The following ZDHHC13 variants were observed in gnomAD, a reference collection of about 807,000 sequenced individuals.
The protein encoded by ZDHHC13 is palmitoyltransferase ZDHHC13.
Under a neutral mutation model 86.0 loss-of-function variants are expected in ZDHHC13, and 85 were observed. The ratio of observed to expected loss-of-function variants is 0.99; its 90% CI spans 0.83 to 1.18. The LOEUF (loss-of-function observed/expected upper bound fraction) is 1.18, where lower values mean the gene tolerates loss of function less well. Ranked by LOEUF, ZDHHC13 falls within the 50% of genes most tolerant of loss-of-function variation. The pLI, the probability that ZDHHC13 is intolerant of heterozygous loss-of-function variation, is 0.00. For synonymous variants in ZDHHC13, 263 were observed against 246.4 expected, an observed-to-expected ratio of 1.07 and a Z score of -0.63; for missense variants, 711 against 730.2, an observed-to-expected ratio of 0.97 and a Z score of 0.30.
rs545390744 is a variant in ZDHHC13, at chr11:19,137,047, A to T, written c.28-5931A>T. Among the ~76,000 whole-genome samples, 11 of 152,304 alleles carry T rather than the reference A, an allele frequency of 7.2e-5. No individual in the cohort carries two copies. The East Asian group carries it at 2.1e-3, about 29-fold the overall frequency. On this transcript the variant is annotated intron_variant, in intron 1 of 16. Coordinates refer to ENST00000446113, the MANE Select transcript of ZDHHC13 (RefSeq NM_019028.3). Reference sequence around the variant, plus strand: ...AACCAGCTAACATCATAATGACAGGATCAAATTCACACATAACAGTATTAA... The same window carrying T: ...AACCAGCTAACATCATAATGACAGGTTCAAATTCACACATAACAGTATTAA...
At chr11:19,172,690 G>C (rs752729738) in intron 15 of ZDHHC13, 33 bp from the exon 16 acceptor site, 2 of 1,509,974 alleles carry the variant, frequency 1.3e-6, no homozygotes, top group South Asian at 1.2e-5. Flanking sequence ...GTTGCACACT[G>C]AATGTGTGCA....
chr11:19,166,227 G>A (rs955868760), intron 13 of ZDHHC13, 75 bp from the exon 14 acceptor site: 1 of 1,175,586 alleles, frequency 8.5e-7, no homozygotes, highest in African/African-American at 1.6e-5. Flanking sequence ...TGACAGGAAA[G>A]TGGTTAAGGA....
chr11:19,117,385 G>T lies in ZDHHC13; in HGVS notation c.27+109G>T. The T allele has an allele frequency of 8.4e-7, 1 of 1,189,644 alleles. No individual in the cohort carries two copies. The highest frequency in any genetic ancestry group is 1.6e-5 in the African/African-American group (1 of 62,162). 73.7% of individuals were successfully genotyped at this position (1,189,644 alleles called of 1,614,324 possible). On this transcript the variant is annotated intron_variant, in intron 1 of 16. Transcript: ENST00000446113. The surrounding 1 kb of genome is among the most constrained non-coding windows in gnomAD (Gnocchi z 4.2). ...CGCTCGATGAGGGGGTTTCGGGAGC[G>T]GCGGGGCCTAGGTCTGGGAAGCGGG... is the stretch of plus-strand genomic sequence containing the variant.
chr11:19,141,550 T>C (rs551303125), intron 1 of ZDHHC13, among the ~76,000 whole-genome samples: 1 of 152,244 alleles, frequency 6.6e-6, no homozygotes, highest in Admixed American at 6.5e-5. Flanking sequence ...TTGCTCATCT[T>C]AATTGATCAT....
rs1283120455 is a variant in ZDHHC13 at position 19,117,710 on chromosome 11, C to T, written c.27+434C>T. ...TTTTCAGCCCTGGCGTCTTAGCACCCGCCTTCACCCCACCCAGTCCAGTTT... is the reference window on the plus strand; with the variant it reads ...TTTTCAGCCCTGGCGTCTTAGCACCTGCCTTCACCCCACCCAGTCCAGTTT... On this transcript the variant is annotated intron_variant, in intron 1 of 16. Transcript: ENST00000446113. This position sits in a 1 kb window ranked among gnomAD's most constrained non-coding sequence, Gnocchi z 4.2. 1.2e-5 allele frequency: 2 copies of T among 170,452 alleles called. No individual in the cohort carries two copies. The highest frequency in any genetic ancestry group is 4.7e-5 in the African/African-American group (2 of 42,150). 10.6% of individuals were successfully genotyped at this position (170,452 alleles called of 1,614,324 possible).
intron 14 of ZDHHC13, chr11:19,167,065 T>A (rs1850092060): frequency 6.6e-6 from 1 of 152,240 alleles, no homozygotes; most frequent in African/African-American, 2.4e-5. Flanking sequence ...AGAATTGCAT[T>A]ATTATGTTTT....
At chr11:19,139,881 G>C (rs1388358009) in intron 1 of ZDHHC13, among the ~76,000 whole-genome samples, 1 of 128,524 alleles carries the variant, frequency 7.8e-6, no homozygotes, top group Non-Finnish European at 1.6e-5. Context: ...GCTGAAACTG[G>C]ATCCCTTCCT....
In ZDHHC13 at chr11:19,175,932, C is replaced by A; in HGVS notation, c.1841C>A (p.Ala614Asp). The change falls in exon 17 of 17, where the codon GCC (alanine) becomes GAC (aspartate). Residue 614 changes from alanine to aspartate, a missense_variant. Physicochemically the swap from Ala to Asp is moderately radical, Grantham distance 126 (BLOSUM62 -2). Coordinates refer to ENST00000446113, the MANE Select transcript of ZDHHC13 (RefSeq NM_019028.3). ...TSQYTMVFHPAREKVLRSV is the reference protein window; with the variant it reads ...TSQYTMVFHPDREKVLRSV ...CAGTACACCATGGTCTTTCACCCAGCCAGGGAGAAGGTTCTTCGCTCAGTA... is the reference window on the plus strand; with the variant it reads ...CAGTACACCATGGTCTTTCACCCAGACAGGGAGAAGGTTCTTCGCTCAGTA... The A allele has an allele frequency of 6.2e-7, 1 of 1,610,404 alleles. No individual in the cohort carries two copies.
At chr11:19,170,227 G>C (rs1053038733) in intron 14 of ZDHHC13, 184 bp from the exon 15 acceptor site, 41 of 1,401,196 alleles carry the variant, frequency 2.9e-5, no homozygotes, top group Admixed American at 2.1e-4. Context: ...TTAACATTGA[G>C]CCACCATTTT....
rs747510512 is a variant in ZDHHC13 at position 19,164,273 on chromosome 11, G to A, written c.1234-28G>A. On this transcript the variant is annotated intron_variant, in intron 11 of 16. Coordinates refer to ENST00000446113, the MANE Select transcript of ZDHHC13 (RefSeq NM_019028.3). ...ATAATACATTTTCCAATAAAATGTG[G>A]TAATAGGTCAAACTTCATGTCTTTC... The A allele has an allele frequency of 2.9e-5, 46 of 1,610,106 alleles. No homozygotes were observed. In the South Asian group the frequency reaches 3.6e-4, roughly 13 times the overall value.
intron 2 of ZDHHC13, 47 bp downstream of exon 2, chr11:19,143,170 A>C (rs1849370500): frequency 1.9e-6 from 3 of 1,568,900 alleles, no homozygotes; most frequent in Admixed American, 3.7e-5. Context: ...CTCTAGAATT[A>C]ATAGTAATAT....
intron 9 of ZDHHC13, 22 bp from the exon 10 acceptor site, chr11:19,158,918 A>T (rs1447035360): frequency 7.0e-7 from 1 of 1,438,340 alleles, no homozygotes; most frequent in African/African-American, 1.4e-5. Context: ...CTAATAACTT[A>T]TATTTATCTT....
At chr11:19,142,501 G>A (rs1466455795) in intron 1 of ZDHHC13, among the ~76,000 whole-genome samples, 3 of 152,144 alleles carry the variant, frequency 2.0e-5, no homozygotes, top group African/African-American at 7.2e-5. Flanking sequence ...TGGGGGGTTC[G>A]AGGATATTCT....
intron 14 of ZDHHC13, chr11:19,169,846 G>C (rs1850171428): frequency 1.0e-6 from 1 of 985,570 alleles, no homozygotes; most frequent in Admixed American, 6.1e-5. Context: ...AGGTGTATCT[G>C]TCTTGTGAGT....
chr11:19,175,259 G>A (rs1278592188), intron 16 of ZDHHC13, among the ~76,000 whole-genome samples: 2 of 151,700 alleles, frequency 1.3e-5, no homozygotes, highest in African/African-American at 2.4e-5. Context: ...GTGTGGTGGT[G>A]GGCGCCTATA....
intron 14 of ZDHHC13, chr11:19,169,666 G>GATCC: frequency 1.0e-6 from 1 of 985,486 alleles, no homozygotes; most frequent in Non-Finnish European, 1.2e-6. Context: ...TAACCTTGAA[G>GATCC]ATCCGTTCCC....
At chr11:19,175,197 G>A (rs1850325614) in intron 16 of ZDHHC13, among the ~76,000 whole-genome samples, 1 of 151,570 alleles carries the variant, frequency 6.6e-6, no homozygotes, top group African/African-American at 2.4e-5. Context: ...GACCATCCTG[G>A]CTAACACGGT....
At position 19,163,322 on chromosome 11, in the gene ZDHHC13, C is replaced by A; in HGVS notation, c.1128C>A (p.Phe376Leu). The change falls in exon 11 of 17, where the codon TTC (phenylalanine) becomes TTA (leucine). Residue 376 changes from phenylalanine to leucine, a missense_variant. Coordinates refer to ENST00000446113, the MANE Select transcript of ZDHHC13 (RefSeq NM_019028.3). ...LFFPDLAGAP[F>L]YFSFIFSIVA... ...TTTAACATTTAGCAGGAGCCCCTTT[C>A]TATTTCAGTTTCATTTTCAGCATAG... 6.3e-7 allele frequency: 1 copy of A among 1,592,146 alleles called. No homozygotes were observed.
At chr11:19,140,993 C>T (rs546795503) in intron 1 of ZDHHC13, among the ~76,000 whole-genome samples, 31 of 150,938 alleles carry the variant, frequency 2.1e-4, no homozygotes, top group Admixed American at 4.6e-4. Flanking sequence ...TGCAGCGCAC[C>T]GGCATGGCAC....
Sources: gnomAD v4.1 joint callset for allele counts (sites outside exome capture counted in the v4.1 genomes callset) on GRCh38, gnomAD v4.1.1 for gene constraint, Gnocchi (gnomAD v3.1) non-coding constraint, MANE v1.5 for transcripts, NCBI Gene and HGNC (gene_info 2026-07-23, HGNC 2026-07-21) for gene names.